Variants in WDR72 observed in about 807,000 individuals in gnomAD.
WDR72 encodes WD repeat domain 72.
A neutral mutation model predicts 124.2 loss-of-function variants in WDR72; 120 were observed. That is an observed-to-expected ratio of 0.97 (90% CI 0.83 to 1.12). The LOEUF (loss-of-function observed/expected upper bound fraction) is 1.12, where lower values mean the gene tolerates loss of function less well. Ranked by LOEUF, WDR72 falls within the 50% of genes most tolerant of loss-of-function variation. The probability of loss-of-function intolerance (pLI) is 0.00; values close to 1 mark genes in which losing one functional copy is unlikely to be tolerated. For missense variants in WDR72, 1,387 were observed against 1,278.8 expected (o/e 1.08, Z -1.29); for synonymous variants, 452 against 441.7 (o/e 1.02, Z -0.29).
At position 53,523,446 on chromosome 15, in the gene WDR72, C is replaced by G. The variant is rs534984518; in HGVS notation, c.3149-124G>C. 3.3e-5 allele frequency: 29 copies of G among 878,096 alleles called. No homozygotes were observed. The East Asian group carries it at 7.4e-4, about 22-fold the overall frequency. The allele number at this position is 878,096 out of a possible 1,614,324, so 54.4% of individuals were successfully genotyped here. A position where few individuals can be genotyped will look rare whatever the true frequency, so the allele number is the denominator to read the frequency against. On this transcript the variant is annotated intron_variant, in intron 18 of 19. Coordinates refer to ENST00000360509, the MANE Select transcript of WDR72 (RefSeq NM_182758.4). ...TTTCCAGGGACACACTATGTAAACA[C>G]AAATAATAAATTGAAATAAAATGTA...
intron 2 of WDR72, 66 bp downstream of exon 2, chr15:53,732,931 T>G (rs1387862829): frequency 1.3e-6 from 2 of 1,588,124 alleles, no homozygotes; most frequent in Admixed American, 1.7e-5. Context: ...TCATTGCAGA[T>G]AGAAAATGCA....
chr15:53,514,281 G>A lies in WDR72; in HGVS notation c.*3418C>T, dbSNP rs886132479. 1.3e-5 allele frequency: 2 copies of A among 152,078 alleles called. No homozygotes were observed. Among genetic ancestry groups the A allele is most frequent in the East Asian group, 1.9e-4 (1 of 5,186 alleles). The allele number at this position is 152,078 out of a possible 1,614,324, so 9.4% of individuals were successfully genotyped here. ...TCTATAACACCGCTTTTATATAACT[G>A]AGCAATCAAAATGTATGAATATAAA... On this transcript the variant is annotated 3_prime_UTR_variant, in exon 20 of 20. Coordinates refer to ENST00000360509, the MANE Select transcript of WDR72 (RefSeq NM_182758.4).
intron 18 of WDR72, among the ~76,000 whole-genome samples, chr15:53,548,208 A>C (rs1375192708): frequency 6.6e-6 from 1 of 152,212 alleles, no homozygotes; most frequent in African/African-American, 2.4e-5. Context: ...CTTTCAATAA[A>C]GTAGTGTGTG....
intron 18 of WDR72, among the ~76,000 whole-genome samples, chr15:53,594,501 A>T (rs2012669240): frequency 6.6e-6 from 1 of 152,066 alleles, no homozygotes; most frequent in African/African-American, 2.4e-5. Context: ...CACCTCTATA[A>T]TCATATTACA....
At chr15:53,683,740 G>C (rs977398857) in intron 13 of WDR72, among the ~76,000 whole-genome samples, 1 of 152,058 alleles carries the variant, frequency 6.6e-6, no homozygotes, top group Non-Finnish European at 1.5e-5. Flanking sequence ...AGGAAGAAGA[G>C]ATCTAATCAA....
intron 2 of WDR72, among the ~76,000 whole-genome samples, chr15:53,723,426 G>A (rs1443597365): frequency 6.6e-6 from 1 of 152,142 alleles, no homozygotes; most frequent in African/African-American, 2.4e-5. Context: ...ACATGGTTCA[G>A]GATTCCCACT....
intron 18 of WDR72, among the ~76,000 whole-genome samples, chr15:53,584,543 C>T (rs986654083): frequency 2.6e-5 from 4 of 151,968 alleles, no homozygotes; most frequent in African/African-American, 9.7e-5. Context: ...TACTGCTCTA[C>T]AAATAAAACA....
At chr15:53,587,346 T>C (rs4448885) in intron 18 of WDR72, among the ~76,000 whole-genome samples, 125,706 of 151,936 alleles carry the variant, frequency 0.83, 52,140 homozygotes, top group Middle Eastern at 0.9. Flanking sequence ...TTGTCCAGTG[T>C]CAAGAAAATC....
intron 18 of WDR72, among the ~76,000 whole-genome samples, chr15:53,589,074 G>A (rs1396414718): frequency 6.6e-6 from 1 of 151,896 alleles, no homozygotes; most frequent in Non-Finnish European, 1.5e-5. Context: ...AGTGAGGTAA[G>A]TTTCAGGCAA....
At chr15:53,682,103 TGC>T (rs1268152580) in intron 13 of WDR72, among the ~76,000 whole-genome samples, 1 of 148,288 alleles carries the variant, frequency 6.7e-6, no homozygotes, top group African/African-American at 2.4e-5. Flanking sequence ...AATTTTACAA[TGC>T]ACACCAGAAA....
Position 53,682,398 on chromosome 15 carries a change from A to AAT in WDR72, c.1766-16632_1766-16631dup, listed in dbSNP as rs1363411534. Among the ~76,000 whole-genome samples, 5 of 152,248 alleles carry AAT rather than the reference A, an allele frequency of 3.3e-5. No individual in the cohort carries two copies. The East Asian group carries it at 7.7e-4, about 24-fold the overall frequency. ...GGGTCTTGTCTCTACATTGAAATAA[A>AAT]ATATATATATACAACGAGACTTACA... On this transcript the variant is annotated intron_variant, in intron 13 of 19. Coordinates refer to ENST00000360509, the MANE Select transcript of WDR72 (RefSeq NM_182758.4).
chr15:53,686,357 T>A (rs2016624235), intron 13 of WDR72, among the ~76,000 whole-genome samples: 1 of 151,566 alleles, frequency 6.6e-6, no homozygotes, highest in Admixed American at 6.6e-5. Flanking sequence ...AATAAAAGGA[T>A]GGAGGAAAAT....
chr15:53,679,554 AAAG>A (rs1366019387), intron 13 of WDR72, among the ~76,000 whole-genome samples: 5 of 152,152 alleles, frequency 3.3e-5, no homozygotes, highest in Non-Finnish European at 7.3e-5. Context: ...GAGAGGGAGG[AAAG>A]AAGGACATTG....
intron 3 of WDR72, among the ~76,000 whole-genome samples, chr15:53,720,114 ATTG>A (rs1175410304): frequency 6.6e-6 from 1 of 152,144 alleles, no homozygotes; most frequent in Non-Finnish European, 1.5e-5. Flanking sequence ...TTTAAAAAAA[ATTG>A]TTTTCTTTGA....
Position 53,620,538 on chromosome 15 carries a change from A to G in WDR72, c.1963-4295T>C, listed in dbSNP as rs934355411. Among the ~76,000 whole-genome samples, 4 of 152,148 alleles carry G rather than the reference A, an allele frequency of 2.6e-5. No individual in the cohort carries two copies. The South Asian group carries it at 8.3e-4, about 32-fold the overall frequency. Reference sequence around the variant, plus strand: ...TCTTCAACAAAGCAAACAAAAACATAAAGTGGGGAAAGGACACCCTATGCA... The same window carrying G: ...TCTTCAACAAAGCAAACAAAAACATGAAGTGGGGAAAGGACACCCTATGCA... On this transcript the variant is annotated intron_variant, in intron 14 of 19. Transcript: ENST00000360509.
chr15:53,674,448 A>C (rs1340411236), intron 13 of WDR72, among the ~76,000 whole-genome samples: 1 of 152,156 alleles, frequency 6.6e-6, no homozygotes, highest in Non-Finnish European at 1.5e-5. Context: ...TTCTATTAAA[A>C]CCATTTCACA....
chr15:53,665,461 C>G, intron 14 of WDR72, 111 bp downstream of exon 14: 4 of 1,216,974 alleles, frequency 3.3e-6, no homozygotes, highest in Non-Finnish European at 4.8e-6. Context: ...GCAGCAGTCT[C>G]TTAGTTCTTG....
At chr15:53,737,272 A>G (rs907923525) in intron 1 of WDR72, among the ~76,000 whole-genome samples, 5 of 152,190 alleles carry the variant, frequency 3.3e-5, no homozygotes, top group African/African-American at 1.2e-4. Flanking sequence ...GGAACACAGA[A>G]GTCTGCTTGA....
chr15:53,760,805 G>GA (rs2019049337), upstream of WDR72, among the ~76,000 whole-genome samples: 1 of 152,218 alleles, frequency 6.6e-6, no homozygotes, highest in East Asian at 1.9e-4. Context: ...AACTCAATAG[G>GA]AAAAAATATA....
Sources: gnomAD v4.1 joint callset for allele counts (sites outside exome capture counted in the v4.1 genomes callset) on GRCh38, gnomAD v4.1.1 for gene constraint, MANE v1.5 for transcripts, NCBI Gene and HGNC (gene_info 2026-07-23, HGNC 2026-07-21) for gene names.